The following TBRG4 variants were observed in gnomAD, a reference collection of about 807,000 sequenced individuals.
The protein encoded by TBRG4 is transforming growth factor beta regulator 4.
A neutral mutation model predicts 65.6 loss-of-function variants in TBRG4; 43 were observed. That is an observed-to-expected ratio of 0.66 (90% CI 0.51 to 0.85). The LOEUF is 0.85. TBRG4 is among the 40% of genes least tolerant of loss of function. The pLI is 0.00. For missense variants in TBRG4, 709 were observed against 787.9 expected (o/e 0.90, Z 1.20); for synonymous variants, 366 against 341.4 (o/e 1.07, Z -0.79).
Position 45,111,197 on chromosome 7 carries a change from G to A in TBRG4, c.-51+446C>T, listed in dbSNP as rs542875338. Among the ~76,000 whole-genome samples the A allele has an allele frequency of 4.7e-4, 71 of 152,164 alleles. 1 individual carries two copies. In the South Asian group the frequency reaches 9.3e-3, roughly 20 times the overall value. ...CACCATGACCTCAAGTGATCCACCC[G>A]TCTCGGCCTCCCAAAGTGCTGGGAT... On this transcript the variant is annotated intron_variant, in intron 1 of 10. Coordinates refer to ENST00000258770, the MANE Select transcript of TBRG4 (RefSeq NM_004749.4).
At chr7:45,107,630 G>A (rs1179246731) in intron 2 of TBRG4, 1 of 154,296 alleles carries the variant, frequency 6.5e-6, no homozygotes, top group Non-Finnish European at 1.5e-5. Flanking sequence ...GAAAGTACTG[G>A]AGTAAATTCT....
At chr7:45,111,535 A>G in intron 1 of TBRG4, 108 bp downstream of exon 1, 1 of 1,228,390 alleles carries the variant, frequency 8.1e-7, no homozygotes, top group South Asian at 1.3e-5. Context: ...ACCGCGTCCC[A>G]GCCTGCTCCC....
chr7:45,101,205 C>G (rs963699813), intron 10 of TBRG4, 53 bp downstream of exon 10: 3 of 1,553,510 alleles, frequency 1.9e-6, no homozygotes, highest in Non-Finnish European at 1.8e-6. Flanking sequence ...CCCTCTCTAG[C>G]GTGGGTTGGG....
chr7:45,103,213 G>T, intron 6 of TBRG4, 120 bp downstream of exon 6: 197 of 726,582 alleles, frequency 2.7e-4, no homozygotes, highest in Middle Eastern at 5.0e-4. Context: ...GCCCTCCCAT[G>T]CCACACATAG....
Position 45,109,217 on chromosome 7 carries a change from C to G in TBRG4, c.21G>C (p.Lys7Asn). 1 of 1,601,558 alleles carries G rather than the reference C, an allele frequency of 6.2e-7. No homozygotes were observed. Among genetic ancestry groups the G allele is most frequent in the Non-Finnish European group, 8.5e-7 (1 of 1,173,732 alleles). The change falls in exon 2 of 11, where the codon AAG (lysine) becomes AAC (asparagine). Residue 7 changes from lysine to asparagine, a missense_variant. By Grantham distance (94) the Lys-to-Asn change is moderately conservative. Transcript: ENST00000258770. Reference sequence around the variant, plus strand: ...CTTCTCTCAGGAGGCACGTGCATCGCTTTACCAGGTGAGCTGCCATGATGT... The same window carrying G: ...CTTCTCTCAGGAGGCACGTGCATCGGTTTACCAGGTGAGCTGCCATGATGT... MAAHLV[K>N]RCTCLLREAA...
Position 45,101,821 on chromosome 7 carries a change from T to TCACCCAG in TBRG4, c.1564_1567+3dup. 1.2e-6 allele frequency: 2 copies of TCACCCAG among 1,604,412 alleles called. No individual in the cohort carries two copies. The highest frequency in any genetic ancestry group is 1.7e-6 in the Non-Finnish European group (2 of 1,179,702). The stretch of plus-strand genomic sequence containing the variant: ...GCCCTGTGCCAACCAGGGGGAGCCC[T>TCACCCAG]CACCCAGCACCCAGCCATACTGCGT... On this transcript the variant is annotated splice_donor_region_variant and intron_variant, in intron 8 of 10. Transcript: ENST00000258770.
rs147606951 is a variant in TBRG4, at chr7:45,103,224, T to C, written c.1176+109A>G. ...CCCTGCCCTCCCATGCCACACATAG[T>C]GGCCCCTCCCGCCTCCACCTAGCCC... On this transcript the variant is annotated intron_variant, in intron 6 of 10. Transcript: ENST00000258770. 2.1e-3 allele frequency: 1,782 copies of C among 843,978 alleles called. 22 individuals are homozygous for C. The African/African-American group carries it at 0.024, about 12-fold the overall frequency. 52.3% of individuals were successfully genotyped at this position (843,978 alleles called of 1,614,324 possible). A position where few individuals can be genotyped will look rare whatever the true frequency, so the allele number is the denominator to read the frequency against.
At chr7:45,103,234 CGCCTCCA>C (rs1430579168) in intron 6 of TBRG4, 92 bp downstream of exon 6, 1 of 985,338 alleles carries the variant, frequency 1.0e-6, no homozygotes, top group African/African-American at 1.6e-5. Context: ...TGGCCCCTCC[CGCCTCCA>C]CCTAGCCCGA....
intron 3 of TBRG4, 83 bp from the exon 4 acceptor site, chr7:45,104,792 T>A (rs1784885080): frequency 1.3e-6 from 2 of 1,567,764 alleles, no homozygotes; most frequent in Non-Finnish European, 8.7e-7. Flanking sequence ...CATGGTCCCA[T>A]CCAGTGCAGC....
At chr7:45,109,834 G>A (rs1247495408) in intron 1 of TBRG4, among the ~76,000 whole-genome samples, 1 of 151,772 alleles carries the variant, frequency 6.6e-6, no homozygotes, top group African/African-American at 2.4e-5. Flanking sequence ...AAAATTAGCT[G>A]GGCATCATGG....
chr7:45,110,966 T>C (rs1475639996), intron 1 of TBRG4: 1 of 152,120 alleles, frequency 6.6e-6, no homozygotes, highest in Non-Finnish European at 1.5e-5. Context: ...CTAAGCACAG[T>C]GTAGAAATCT....
Position 45,104,559 on chromosome 7 carries a change from A to C in TBRG4, c.886T>G (p.Leu296Val). The change falls in exon 4 of 11, where the codon TTG becomes GTG. Residue 296 changes from leucine (L) to valine (V), a missense_variant. Leu to Val is a conservative substitution (Grantham distance 32). Coordinates refer to ENST00000258770, the MANE Select transcript of TBRG4 (RefSeq NM_004749.4). ...TCACCATAGGCATAGGCCACGTCCA[A>C]GAGCACATCTTTCGTCAGAGAGAAG... is the stretch of plus-strand genomic sequence containing the variant. ...KPFSLTKDVL[L>V]DVAYAYGKLS... is the part of the protein sequence containing the mutation. 1 of 1,613,962 alleles carries C rather than the reference A, an allele frequency of 6.2e-7. No individual in the cohort carries two copies. Among genetic ancestry groups the C allele is most frequent in the Non-Finnish European group, 8.5e-7 (1 of 1,180,008 alleles).
chr7:45,104,928 C>T (rs1246289810), intron 3 of TBRG4: 1 of 826,638 alleles, frequency 1.2e-6, no homozygotes, highest in Non-Finnish European at 2.1e-6. Flanking sequence ...CCAAACTTAT[C>T]CCCAGGTCCC....
chr7:45,101,887 C>T lies in TBRG4; in HGVS notation c.1505G>A (p.Gly502Glu). The T allele has an allele frequency of 1.2e-6, 2 of 1,611,320 alleles. No homozygotes were observed. Among genetic ancestry groups the T allele is most frequent in the Non-Finnish European group, 1.7e-6 (2 of 1,179,522 alleles). ...GCCCTTGTCGGCGCTCCCCAGCAGC[C>T]CCTTCAGCGTCTCCTGCAGCTCCTT... is the stretch of plus-strand genomic sequence containing the variant. ...LQKELQETLK[G>E]LLGSADKGSL... Residue 502 changes from glycine to glutamate, a missense_variant, in exon 8 of 11, where the codon GGG becomes GAG. Transcript: ENST00000258770.
At position 45,108,846 on chromosome 7, in the gene TBRG4, A is replaced by T; in HGVS notation, c.392T>A (p.Leu131His). The T allele has an allele frequency of 6.5e-7, 1 of 1,540,084 alleles. No individual in the cohort carries two copies. The highest frequency in any genetic ancestry group is 8.7e-7 in the Non-Finnish European group (1 of 1,146,322). ...LIQDAHFHQL[L>H]CLLNSQIASV... ...ACCCACCTGACTGTTGAGCAGACAGAGAAGTTGATGAAAGTGGGCATCCTG... is the reference window on the plus strand; with the variant it reads ...ACCCACCTGACTGTTGAGCAGACAGTGAAGTTGATGAAAGTGGGCATCCTG... Residue 131 changes from leucine to histidine, a missense_variant, in exon 2 of 11, where the codon CTC becomes CAC. Physicochemically the swap from Leu to His is moderately conservative, Grantham distance 99. Transcript: ENST00000258770.
chr7:45,110,432 T>A (rs1348012793), intron 1 of TBRG4, among the ~76,000 whole-genome samples: 1 of 152,112 alleles, frequency 6.6e-6, no homozygotes, highest in Non-Finnish European at 1.5e-5. Flanking sequence ...TTTGGGAGGC[T>A]GAGGCGGGCA....
At chr7:45,103,284 A>G (rs1784828722) in intron 6 of TBRG4, 49 bp downstream of exon 6, 1 of 1,466,754 alleles carries the variant, frequency 6.8e-7, no homozygotes, top group African/African-American at 1.4e-5. Flanking sequence ...ATGAGCCATT[A>G]GCTGAAGGGG....
rs540421202 is a variant in TBRG4 at position 45,102,398 on chromosome 7, C to T, written c.1270G>A (p.Glu424Lys). ...TGGAGGACGGCTTGCAGCTCTGCTT[C>T]CCGTGCCTGCTGCAGCACACACAGG... is the stretch of plus-strand genomic sequence containing the variant. The part of the protein sequence containing the change: ...WALCVLQQAR[E>K]AELQAVLHPE... The change falls in exon 7 of 11, where the codon GAA (glutamate) becomes AAA (lysine). Residue 424 changes from glutamate to lysine, a missense_variant. By Grantham distance (56) the Glu-to-Lys change is moderately conservative. Transcript: ENST00000258770. The T allele has an allele frequency of 5.2e-5, 84 of 1,614,114 alleles. 2 individuals are homozygous for T. The highest frequency in any genetic ancestry group is 3.6e-4 in the African/African-American group (27 of 75,064).
chr7:45,102,694 T>G, intron 6 of TBRG4: 1 of 656,272 alleles, frequency 1.5e-6, no homozygotes, highest in South Asian at 2.0e-5. Context: ...ATCTTCCTCA[T>G]GCCCCAAGAC....
Sources: allele counts gnomAD v4.1 joint callset (sites outside exome capture counted in the v4.1 genomes callset), GRCh38; gene constraint gnomAD v4.1.1; transcripts MANE v1.5; gene names NCBI Gene and HGNC (gene_info 2026-07-23, HGNC 2026-07-21).